Variants in FAM186A observed in about 807,000 individuals in gnomAD.
FAM186A encodes the protein protein FAM186A.
In FAM186A, 163 loss-of-function variants were observed where a neutral mutation model predicts 216.8. The ratio of observed to expected loss-of-function variants is 0.75; its 90% CI spans 0.66 to 0.86. The LOEUF (loss-of-function observed/expected upper bound fraction) is 0.86, where lower values mean the gene tolerates loss of function less well. FAM186A is among the 40% of genes least tolerant of loss of function. The pLI, the probability that FAM186A is intolerant of heterozygous loss-of-function variation, is 0.00. For missense variants in FAM186A, 2,184 were observed against 2,746.2 expected, an observed-to-expected ratio of 0.80 and a Z score of 4.58; for synonymous variants, 805 against 1,025.3, an observed-to-expected ratio of 0.79 and a Z score of 4.10.
At chr12:50,329,716 G>C (rs1942638363) in intron 7 of FAM186A, among the ~76,000 whole-genome samples, 1 of 151,756 alleles carries the variant, frequency 6.6e-6, no homozygotes, top group Non-Finnish European at 1.5e-5. Flanking sequence ...TCCTGTCTCA[G>C]CCTCTGAGTA....
intron 6 of FAM186A, 70 bp from the exon 7 acceptor site, chr12:50,330,828 T>C: frequency 7.7e-7 from 1 of 1,306,124 alleles, no homozygotes; most frequent in Non-Finnish European, 1.0e-6. Context: ...ATATATCTTA[T>C]TCTCCCCTCT....
At chr12:50,375,232 T>C (rs1293838027) in intron 1 of FAM186A, among the ~76,000 whole-genome samples, 1 of 151,898 alleles carries the variant, frequency 6.6e-6, no homozygotes, top group Non-Finnish European at 1.5e-5. Flanking sequence ...ACCATTTATT[T>C]ACACTAGCGA....
At position 50,351,867 on chromosome 12, in the gene FAM186A, A is replaced by C; in HGVS notation, c.4965T>G (p.Asn1655Lys). 1.3e-6 allele frequency: 2 copies of C among 1,544,512 alleles called. No homozygotes were observed. The highest frequency in any genetic ancestry group is 1.7e-6 in the Non-Finnish European group (2 of 1,143,312). Residue 1655 changes from asparagine to lysine, a missense_variant, in exon 4 of 8, where the codon AAT becomes AAG. Transcript: ENST00000327337. ...TAAGAGTGACAGCTGACACCCAGGC[A>C]TTTACTGGGGTGATGGGGACTCCCA... is the stretch of plus-strand genomic sequence containing the variant. ...QALGVPITPV[N>K]AWVSAVTLTS...
At chr12:50,391,032 A>T (rs1456695666) in intron 1 of FAM186A, among the ~76,000 whole-genome samples, 1 of 151,582 alleles carries the variant, frequency 6.6e-6, no homozygotes, top group Admixed American at 6.6e-5. Context: ...TCCGTTGCCC[A>T]GGTTGGAGTG....
chr12:50,329,567 T>C (rs1385111659), intron 7 of FAM186A, among the ~76,000 whole-genome samples: 2 of 152,048 alleles, frequency 1.3e-5, no homozygotes, highest in Non-Finnish European at 2.9e-5. Flanking sequence ...TTATGCTGTC[T>C]GCCACCTGGA....
In FAM186A at chr12:50,355,785, G is replaced by A; in HGVS notation, c.1047C>T (p.Thr349=). The change falls in exon 4 of 8, where the codon ACC becomes ACT. Residue 349 remains threonine (T), a synonymous_variant. Coordinates refer to ENST00000327337, the MANE Select transcript of FAM186A (RefSeq NM_001145475.3). ...QLYAKLSTSS[T]LKVLPGPSPQ... is the part of the protein sequence containing the mutation. ...GAGAAGGTCCAGGTAACACTTTCAA[G>A]GTTGATGATGTGGACAATTTTGCAT... is the stretch of plus-strand genomic sequence containing the variant. The A allele has an allele frequency of 1.9e-6, 3 of 1,551,634 alleles. No individual in the cohort carries two copies. Among genetic ancestry groups the A allele is most frequent in the Non-Finnish European group, 2.6e-6 (3 of 1,146,980 alleles).
intron 1 of FAM186A, among the ~76,000 whole-genome samples, chr12:50,375,736 AAAAG>A (rs1464730501): frequency 1.3e-5 from 2 of 151,804 alleles, no homozygotes; most frequent in Non-Finnish European, 2.9e-5. Context: ...AAGAAAAAGA[AAAAG>A]AAAAAGAAAT....
At chr12:50,336,200 A>G (rs1294644378) in intron 4 of FAM186A, among the ~76,000 whole-genome samples, 1 of 152,064 alleles carries the variant, frequency 6.6e-6, no homozygotes, top group Non-Finnish European at 1.5e-5. Context: ...AGTCATAAAA[A>G]GATTCTCCCT....
At chr12:50,334,471 C>T (rs1592596999) in intron 4 of FAM186A, among the ~76,000 whole-genome samples, 3 of 150,302 alleles carry the variant, frequency 2.0e-5, no homozygotes, top group African/African-American at 7.3e-5. Context: ...AGCATGGCCT[C>T]TTTTTAATTT....
rs567546591 is a variant in FAM186A, at chr12:50,372,589, G to A, written c.193-9225C>T. ...AGCCCGGGCGACAGTGTGAGACTCT[G>A]TCTCAAAAAAAAAAAAAGAAATAAT... On this transcript the variant is annotated intron_variant, in intron 1 of 7. Coordinates refer to ENST00000327337, the MANE Select transcript of FAM186A (RefSeq NM_001145475.3). Among the ~76,000 whole-genome samples, 118 of 146,504 alleles carry A rather than the reference G, an allele frequency of 8.1e-4. No individual in the cohort carries two copies. In the Middle Eastern group the frequency reaches 0.015, roughly 18 times the overall value.
chr12:50,363,858 G>C (rs1342534142), intron 1 of FAM186A, among the ~76,000 whole-genome samples: 2 of 151,652 alleles, frequency 1.3e-5, no homozygotes, highest in Non-Finnish European at 1.5e-5. Flanking sequence ...ATCAGACTAT[G>C]CCTCAAACAT....
intron 7 of FAM186A, among the ~76,000 whole-genome samples, chr12:50,328,655 G>T (rs554544249): frequency 7.2e-5 from 11 of 152,032 alleles, no homozygotes; most frequent in African/African-American, 2.4e-4. Flanking sequence ...CTACAGGTGT[G>T]TGCCACCATG....
intron 1 of FAM186A, among the ~76,000 whole-genome samples, chr12:50,374,476 T>A (rs922120541): frequency 2.0e-5 from 3 of 152,174 alleles, no homozygotes; most frequent in Non-Finnish European, 4.4e-5. Context: ...TACCCTGGTA[T>A]GCAAGGCTGA....
intron 4 of FAM186A, among the ~76,000 whole-genome samples, chr12:50,346,731 C>T (rs1478931263): frequency 6.6e-6 from 1 of 151,948 alleles, no homozygotes; most frequent in East Asian, 1.9e-4. Flanking sequence ...CCTGTAGTCC[C>T]AGCTACTCGG....
At position 50,353,587 on chromosome 12, in the gene FAM186A, TC is replaced by T. The variant is rs749066047; in HGVS notation, c.3244del (p.Glu1082LysfsTer26). 20 of 1,524,362 alleles carry T rather than the reference TC, an allele frequency of 1.3e-5. No homozygotes were observed. Among genetic ancestry groups the T allele is most frequent in the South Asian group, 6.4e-5 (5 of 78,384 alleles). 94.4% of individuals were successfully genotyped at this position (1,524,362 alleles called of 1,614,324 possible). A position where few individuals can be genotyped will look rare whatever the true frequency, so the allele number is the denominator to read the frequency against. ...CIHLTPQQAQ[E>X]VGITLTPQQA... ...CTGAGGAGTGAGTGTGATCCCCACT[TC>T]CTGGGCCTGCTGAGGTGTGAGATGA... is the stretch of plus-strand genomic sequence containing the variant. On this transcript the variant is annotated frameshift_variant, in exon 4 of 8. Coordinates refer to ENST00000327337, the MANE Select transcript of FAM186A (RefSeq NM_001145475.3). LOFTEE classifies it high-confidence loss of function.
Position 50,355,898 on chromosome 12 carries a change from C to T in FAM186A, c.934G>A (p.Glu312Lys), listed in dbSNP as rs543364264. Reference sequence around the variant, plus strand: ...AGTTTCTGCTGAAGCATTTCATTTTCGTTACTGAGATCTCGTATTATCTTC... The same window carrying T: ...AGTTTCTGCTGAAGCATTTCATTTTTGTTACTGAGATCTCGTATTATCTTC... ...SLKIIRDLSN[E>K]NEMLQQKLQD... Residue 312 changes from glutamate to lysine, a missense_variant, in exon 4 of 8, where the codon GAA becomes AAA. Glu to Lys is a moderately conservative substitution (Grantham distance 56, BLOSUM62 1). This residue lies in a region of FAM186A where 1,132 missense variants were observed against 1,263.4 expected (regional missense o/e 0.90). Transcript: ENST00000327337. The T allele has an allele frequency of 1.9e-4, 298 of 1,551,346 alleles. No individual in the cohort carries two copies. Among genetic ancestry groups the T allele is most frequent in the Admixed American group, 5.9e-4 (30 of 50,978 alleles).
At chr12:50,359,910 G>A (rs1168510694) in intron 3 of FAM186A, among the ~76,000 whole-genome samples, 2 of 152,092 alleles carry the variant, frequency 1.3e-5, no homozygotes, top group Admixed American at 6.6e-5. Flanking sequence ...CTATAAATTA[G>A]TATGAGGGAT....
chr12:50,337,208 T>C (rs937724036), intron 4 of FAM186A, among the ~76,000 whole-genome samples: 11 of 151,662 alleles, frequency 7.3e-5, no homozygotes, highest in African/African-American at 2.7e-4. Flanking sequence ...TTTTTTCTTA[T>C]TGAAATCATA....
intron 2 of FAM186A, 49 bp downstream of exon 2, chr12:50,363,096 T>G (rs1395641101): frequency 7.0e-7 from 1 of 1,421,742 alleles, no homozygotes; most frequent in East Asian, 2.5e-5. Flanking sequence ...TTCTCTTCTC[T>G]TTTTCATTAA....
Sources: allele counts gnomAD v4.1 joint callset (sites outside exome capture counted in the v4.1 genomes callset), GRCh38; gene constraint gnomAD v4.1.1; regional missense constraint gnomAD v4.1.1; transcripts MANE v1.5; gene names NCBI Gene and HGNC (gene_info 2026-07-23, HGNC 2026-07-21).